Variants in ASH1L observed in about 807,000 individuals in gnomAD.
ASH1L encodes histone-lysine N-methyltransferase ASH1L.
In ASH1L, 23 loss-of-function variants were observed where a neutral mutation model predicts 269.0. That is an observed-to-expected ratio of 0.09 (90% CI 0.06 to 0.12). ASH1L has a LOEUF of 0.12. ASH1L is among the 10% of genes least tolerant of loss of function. ASH1L has a pLI of 1.00. For synonymous variants in ASH1L, 1,187 were observed against 1,253.5 expected (o/e 0.95, Z 1.12); for missense variants, 2,912 against 3,567.8 (o/e 0.82, Z 4.68).
chr1:155,459,499 A>G (rs538006200), intron 4 of ASH1L, among the ~76,000 whole-genome samples: 1 of 152,284 alleles, frequency 6.6e-6, no homozygotes, highest in Non-Finnish European at 1.5e-5. Flanking sequence ...CCTGGCCTTA[A>G]GCAATTTTAT....
chr1:155,403,554 TATAAG>T (rs957087733), intron 6 of ASH1L, among the ~76,000 whole-genome samples: 25 of 152,280 alleles, frequency 1.6e-4, no homozygotes, highest in African/African-American at 6.0e-4. Flanking sequence ...TGAATAAATT[TATAAG>T]ATAACATATA....
rs80233868 is a variant in ASH1L, at chr1:155,536,575, G to A, written c.-99-14957C>T. Reference sequence around the variant, plus strand: ...CTCAACAGCTCCCATATATGAATACGCTATGTCTGTCAAAAGTAGAACCCA... The same window carrying A: ...CTCAACAGCTCCCATATATGAATACACTATGTCTGTCAAAAGTAGAACCCA... On this transcript the variant is annotated intron_variant, in intron 1 of 27. Transcript: ENST00000392403. 6.1e-3 allele frequency among the ~76,000 whole-genome samples: 931 copies of A among 152,036 alleles called. 10 individuals are homozygous for A. The highest frequency in any genetic ancestry group is 0.022 in the African/African-American group (907 of 41,464).
At chr1:155,456,690 C>T (rs765564617) in intron 4 of ASH1L, among the ~76,000 whole-genome samples, 10 of 152,168 alleles carry the variant, frequency 6.6e-5, no homozygotes, top group Admixed American at 1.3e-4. Context: ...CTGCTTCTAA[C>T]GGTCTATTCA....
chr1:155,378,311 C>T lies in ASH1L; in HGVS notation c.6302G>A (p.Arg2101Lys), dbSNP rs1258595268. 5 of 1,614,178 alleles carry T rather than the reference C, an allele frequency of 3.1e-6. No homozygotes were observed. Among genetic ancestry groups the T allele is most frequent in the African/African-American group, 2.7e-5 (2 of 75,068 alleles). Residue 2101 changes from arginine to lysine, a missense_variant, in exon 10 of 28, where the codon AGG (arginine) becomes AAG (lysine). Physicochemically the swap from Arg to Lys is conservative, Grantham distance 26. Around this residue, in one of 13 missense-constraint regions of ASH1L, gnomAD observed 193 missense variants for 311.6 expected, o/e 0.62. Coordinates refer to ENST00000392403, the MANE Select transcript of ASH1L (RefSeq NM_018489.3). ...CNCKKPDDDTRKGCVDDCLNR... is the reference protein window; with the variant it reads ...CNCKKPDDDTKKGCVDDCLNR... ...GAGGCAGTCATCAACACAGCCCTTC[C>T]TGGTGTCATCATCTGGCTTCTTACA...
At chr1:155,547,321 G>T (rs1430076685) in intron 1 of ASH1L, among the ~76,000 whole-genome samples, 1 of 151,660 alleles carries the variant, frequency 6.6e-6, no homozygotes, top group African/African-American at 2.4e-5. Flanking sequence ...ACATGCACAT[G>T]TGTTTCTGTT....
chr1:155,480,648 A>T lies in ASH1L; in HGVS notation c.2222T>A (p.Leu741His). Reference sequence around the variant, plus strand: ...TGAGCTACATGAAACGTTTTTAAAAAGCTCTGATCTTTCTAATTCTAGCCC... The same window carrying T: ...TGAGCTACATGAAACGTTTTTAAAATGCTCTGATCTTTCTAATTCTAGCCC... ...PKGLELERSE[L>H]FKNVSCSSLS... The change falls in exon 3 of 28, where the codon CTT becomes CAT. Residue 741 changes from leucine to histidine, a missense_variant. Physicochemically the swap from Leu to His is moderately conservative, Grantham distance 99. Around this residue, in one of 13 missense-constraint regions of ASH1L, gnomAD observed 715 missense variants for 721.0 expected, o/e 0.99. Transcript: ENST00000392403. The T allele has an allele frequency of 1.2e-6, 2 of 1,614,050 alleles. No individual in the cohort carries two copies. The highest frequency in any genetic ancestry group is 1.7e-6 in the Non-Finnish European group (2 of 1,179,986).
Position 155,438,625 on chromosome 1 carries a change from T to A in ASH1L, c.5530A>T (p.Asn1844Tyr), listed in dbSNP as rs769070672. 2 of 1,614,130 alleles carry A rather than the reference T, an allele frequency of 1.2e-6. No individual in the cohort carries two copies. The highest frequency in any genetic ancestry group is 2.7e-5 in the African/African-American group (2 of 74,938). The change falls in exon 5 of 28, where the codon AAC becomes TAC. Residue 1844 changes from asparagine to tyrosine, a missense_variant. Asn to Tyr is a moderately radical substitution (Grantham distance 143). Transcript: ENST00000392403. ...KLQRQARTGN[N>Y]FVKRRPGRPR... The stretch of plus-strand genomic sequence containing the variant: ...CGACCTGGCCTACGTTTCACAAAGT[T>A]ATTCCCTGTCCTGGCCTGCCTTTGA...
At chr1:155,530,948 G>A (rs1410546648) in intron 1 of ASH1L, among the ~76,000 whole-genome samples, 1 of 151,822 alleles carries the variant, frequency 6.6e-6, no homozygotes, top group East Asian at 1.9e-4. Context: ...TACTCCAGAG[G>A]CACTCCAGCC....
intron 7 of ASH1L, among the ~76,000 whole-genome samples, chr1:155,391,024 T>G (rs1283080562): frequency 1.3e-5 from 2 of 150,076 alleles, no homozygotes; most frequent in Non-Finnish European, 3.0e-5. Context: ...CTGCTCACTG[T>G]AACCTCTGCC....
chr1:155,531,325 T>C (rs1376961800), intron 1 of ASH1L, among the ~76,000 whole-genome samples: 1 of 152,168 alleles, frequency 6.6e-6, no homozygotes, highest in African/African-American at 2.4e-5. Flanking sequence ...GCAAAATTTA[T>C]ATGTATAAAT....
chr1:155,411,329 T>A (rs749535377), intron 6 of ASH1L, among the ~76,000 whole-genome samples: 6 of 151,836 alleles, frequency 4.0e-5, no homozygotes, highest in Non-Finnish European at 8.8e-5. Flanking sequence ...TTCCTACTTA[T>A]TTTTGGGAGA....
chr1:155,442,783 A>C (rs1445521071), intron 4 of ASH1L, among the ~76,000 whole-genome samples: 2 of 151,946 alleles, frequency 1.3e-5, no homozygotes, highest in Admixed American at 1.3e-4. Context: ...TAAACTCATC[A>C]TGTTTTTTCT....
At chr1:155,367,633 C>T (rs1655553458) in intron 12 of ASH1L, among the ~76,000 whole-genome samples, 1 of 151,798 alleles carries the variant, frequency 6.6e-6, no homozygotes. Context: ...CTTTTTATTC[C>T]TAGTTTGCTG....
chr1:155,490,968 CAAAAAAAAAAAAAAAAAAAA>C (rs767615285), intron 2 of ASH1L, among the ~76,000 whole-genome samples: 27 of 61,414 alleles, frequency 4.4e-4, no homozygotes, highest in African/African-American at 1.2e-3. Flanking sequence ...ACCCTGATTC[CAAAAAAAAAAAAAAAAAAAA>C]AAAAAAAAAA....
At chr1:155,459,766 T>C (rs764203594) in intron 4 of ASH1L, 31 bp downstream of exon 4, 10 of 1,552,892 alleles carry the variant, frequency 6.4e-6, no homozygotes, top group Admixed American at 1.7e-5. Flanking sequence ...GGAAACTATC[T>C]TGAAAATCTG....
At chr1:155,378,586 A>T in intron 8 of ASH1L, 38 bp from the exon 9 acceptor site, 1 of 1,524,480 alleles carries the variant, frequency 6.6e-7, no homozygotes, top group Admixed American at 1.8e-5. Flanking sequence ...ATAGCATTTA[A>T]CTTCAAATGC....
rs1654514050 is a variant in ASH1L at position 155,357,393 on chromosome 1, C to T, written c.6978G>A (p.Glu2326=). The change falls in exon 15 of 28, where the codon GAG becomes GAA. Residue 2326 remains glutamate, a synonymous_variant. Coordinates refer to ENST00000392403, the MANE Select transcript of ASH1L (RefSeq NM_018489.3). The part of the protein sequence containing the change: ...KLKKRRGHLS[E]EPSENINTPT... ...GGGTGTTGATATTTTCACTGGGTTC[C>T]TCAGAGAGATGGCCTCTCTGAAAAA... 1 of 1,613,384 alleles carries T rather than the reference C, an allele frequency of 6.2e-7. No individual in the cohort carries two copies. The highest frequency in any genetic ancestry group is 8.5e-7 in the Non-Finnish European group (1 of 1,179,654).
chr1:155,467,186 A>T (rs1201866074), intron 3 of ASH1L, among the ~76,000 whole-genome samples: 5 of 152,224 alleles, frequency 3.3e-5, no homozygotes, highest in Non-Finnish European at 7.3e-5. Flanking sequence ...ATGTGTAGCC[A>T]GCCATGAGTC....
chr1:155,444,368 G>C (rs890481369), intron 4 of ASH1L, among the ~76,000 whole-genome samples: 6 of 152,108 alleles, frequency 3.9e-5, no homozygotes. Flanking sequence ...CAATGACTGA[G>C]TTAAAGATCC....
Sources: allele counts gnomAD v4.1 joint callset (sites outside exome capture counted in the v4.1 genomes callset), GRCh38; gene constraint gnomAD v4.1.1; regional missense constraint gnomAD v4.1.1; transcripts MANE v1.5; gene names NCBI Gene and HGNC (gene_info 2026-07-23, HGNC 2026-07-21).